RANBP2: variants seen among roughly 807,000 people sequenced by gnomAD.
RANBP2 encodes the protein RAN binding protein 2.
RANBP2 carries 57 observed loss-of-function variants against 303.6 expected under a neutral mutation model. The observed-to-expected ratio is 0.19, with a 90% CI of 0.15 to 0.23. RANBP2 has a LOEUF of 0.23. Among genes scored for constraint, RANBP2 ranks in the 10% least tolerant of loss-of-function variants. The pLI, the probability that RANBP2 is intolerant of heterozygous loss-of-function variation, is 1.00. For missense variants in RANBP2, 3,138 were observed against 3,780.8 expected, an observed-to-expected ratio of 0.83 and a Z score of 4.46; for synonymous variants, 1,167 against 1,301.5, an observed-to-expected ratio of 0.90 and a Z score of 2.23.
chr2:109,200,551 G>A, the RANBP2 span, among the ~76,000 whole-genome samples: 2 of 152,092 alleles, frequency 1.3e-5, no homozygotes, highest in African/African-American at 2.4e-5. Flanking sequence ...CCAGGCTCCC[G>A]GCCTCCAGCC....
At chr2:109,365,147 C>G in the RANBP2 span, among the ~76,000 whole-genome samples, 1 of 152,324 alleles carries the variant, frequency 6.6e-6, no homozygotes. Context: ...GCACAGAATG[C>G]TCTGGCATGT....
rs1228026852 is a variant in RANBP2, at chr2:108,764,636, C to G, written c.4097C>G (p.Ala1366Gly). The G allele has an allele frequency of 6.2e-7, 1 of 1,613,920 alleles. No homozygotes were observed. Among genetic ancestry groups the G allele is most frequent in the African/African-American group, 1.3e-5 (1 of 74,904 alleles). The part of the protein sequence containing the change: ...WHCNSCSLKN[A>G]STAKKCVSCQ... ...TGTAACAGCTGCTCATTAAAGAATGCTTCAACTGCTAAGAAATGTGTATCA... is the reference window on the plus strand; with the variant it reads ...TGTAACAGCTGCTCATTAAAGAATGGTTCAACTGCTAAGAAATGTGTATCA... The change falls in exon 20 of 29, where the codon GCT becomes GGT. Residue 1366 changes from alanine to glycine, a missense_variant. By Grantham distance (60) the Ala-to-Gly change is moderately conservative (BLOSUM62 0). Transcript: ENST00000283195.
the RANBP2 span, among the ~76,000 whole-genome samples, chr2:109,654,743 C>A: frequency 1.3e-5 from 2 of 152,110 alleles, no homozygotes; most frequent in Non-Finnish European, 2.9e-5. Flanking sequence ...AGGAACCAAT[C>A]AGGGCAGGGA....
At chr2:109,163,701 A>C in the RANBP2 span, among the ~76,000 whole-genome samples, 58 of 152,282 alleles carry the variant, frequency 3.8e-4, 2 homozygotes, top group African/African-American at 1.2e-3. Flanking sequence ...GCCTGGCCGC[A>C]AATATTCTTA....
At chr2:109,495,516 A>G in the RANBP2 span, among the ~76,000 whole-genome samples, 1 of 76,922 alleles carries the variant, frequency 1.3e-5, no homozygotes, top group Non-Finnish European at 2.2e-5. Context: ...TTTTGAGACA[A>G]AGTCTCACTC....
the RANBP2 span, among the ~76,000 whole-genome samples, chr2:109,465,571 A>T: frequency 6.6e-6 from 1 of 152,228 alleles, no homozygotes; most frequent in Non-Finnish European, 1.5e-5. Context: ...GCAGTTCCCT[A>T]ATGACATCTG....
At chr2:108,894,121 C>G in the RANBP2 span, among the ~76,000 whole-genome samples, 1 of 152,132 alleles carries the variant, frequency 6.6e-6, no homozygotes, top group Non-Finnish European at 1.5e-5. Context: ...CCTACTAACC[C>G]CCGAGCTATG....
At chr2:108,798,715 A>G in the RANBP2 span, 1 of 439,812 alleles carries the variant, frequency 2.3e-6, no homozygotes, top group Non-Finnish European at 4.1e-6. Flanking sequence ...GCCTACACAC[A>G]CACACACACA....
At chr2:108,999,647 T>C in the RANBP2 span, among the ~76,000 whole-genome samples, 3 of 152,262 alleles carry the variant, frequency 2.0e-5, no homozygotes, top group Admixed American at 2.0e-4. Flanking sequence ...AAGCACAGGC[T>C]GTGTTATGTA....
At chr2:108,999,600 GA>G in the RANBP2 span, among the ~76,000 whole-genome samples, 6 of 152,146 alleles carry the variant, frequency 3.9e-5, no homozygotes, top group African/African-American at 1.4e-4. Flanking sequence ...TGGATATGGC[GA>G]CGCCACATGG....
the RANBP2 span, among the ~76,000 whole-genome samples, chr2:108,816,768 T>C: frequency 6.6e-6 from 1 of 152,166 alleles, no homozygotes; most frequent in African/African-American, 2.4e-5. Context: ...CAGTCATTGC[T>C]TACTGCAGCC....
At chr2:109,510,095 G>T in the RANBP2 span, among the ~76,000 whole-genome samples, 2 of 152,300 alleles carry the variant, frequency 1.3e-5, no homozygotes, top group East Asian at 1.9e-4. Context: ...AAGAATGTTC[G>T]GTTGGCGGGA....
chr2:109,634,807 A>AAC, the RANBP2 span, among the ~76,000 whole-genome samples: 35,730 of 152,130 alleles, frequency 0.23, 4,481 homozygotes, highest in Admixed American at 0.35. Flanking sequence ...TATTTACTAA[A>AAC]ACTAATTATT....
chr2:109,533,344 G>A, the RANBP2 span, among the ~76,000 whole-genome samples: 1 of 152,182 alleles, frequency 6.6e-6, no homozygotes, highest in Non-Finnish European at 1.5e-5. Flanking sequence ...TATCTTTTTT[G>A]TTAGTGTGCT....
At chr2:109,551,129 G>C in the RANBP2 span, among the ~76,000 whole-genome samples, 8 of 152,228 alleles carry the variant, frequency 5.3e-5, no homozygotes, top group African/African-American at 1.9e-4. Context: ...GAACGTCAAC[G>C]ATATTTGGAG....
chr2:109,498,188 G>A, the RANBP2 span, among the ~76,000 whole-genome samples: 38,791 of 152,030 alleles, frequency 0.26, 5,302 homozygotes, highest in East Asian at 0.5. Context: ...AGCAGAGTCT[G>A]GTTCGCCGGC....
chr2:109,503,032 A>T, the RANBP2 span: 1 of 152,184 alleles, frequency 6.6e-6, no homozygotes, highest in Non-Finnish European at 1.5e-5. Flanking sequence ...GAGGAGGTGC[A>T]GCTTTGATGC....
At chr2:108,900,289 C>T in the RANBP2 span, among the ~76,000 whole-genome samples, 1 of 152,194 alleles carries the variant, frequency 6.6e-6, no homozygotes, top group Non-Finnish European at 1.5e-5. Flanking sequence ...GGCCTGGTGG[C>T]TCATGCCTGT....
At chr2:109,240,734 T>C in the RANBP2 span, among the ~76,000 whole-genome samples, 1 of 152,054 alleles carries the variant, frequency 6.6e-6, no homozygotes, top group African/African-American at 2.4e-5. Context: ...ACCCTTCTGT[T>C]TCCTTCTGAG....
Sources: gnomAD v4.1 joint callset for allele counts (sites outside exome capture counted in the v4.1 genomes callset) on GRCh38, gnomAD v4.1.1 for gene constraint, MANE v1.5 for transcripts, NCBI Gene and HGNC (gene_info 2026-07-23, HGNC 2026-07-21) for gene names.